The following SCAPER variants were observed in gnomAD, a reference collection of about 807,000 sequenced individuals.
The protein encoded by SCAPER is S phase cyclin A-associated protein in the endoplasmic reticulum.
In SCAPER, 98 loss-of-function variants were observed where a neutral mutation model predicts 182.2. The observed-to-expected ratio is 0.54, with a 90% CI of 0.46 to 0.64. The LOEUF is 0.64. Ranked by LOEUF, SCAPER falls within the 30% of genes least tolerant of loss-of-function variation. SCAPER has a pLI of 0.00. For synonymous variants in SCAPER, 605 were observed against 564.6 expected, an observed-to-expected ratio of 1.07 and a Z score of -1.01; for missense variants, 1,432 against 1,690.0, an observed-to-expected ratio of 0.85 and a Z score of 2.68.
chr15:76,681,954 T>C (rs2057735782), intron 20 of SCAPER, among the ~76,000 whole-genome samples: 1 of 152,080 alleles, frequency 6.6e-6, no homozygotes. Context: ...GGCAAAGTGG[T>C]CTTGCCCATG....
intron 26 of SCAPER, among the ~76,000 whole-genome samples, chr15:76,433,447 G>C (rs1318072046): frequency 1.3e-5 from 2 of 152,160 alleles, no homozygotes; most frequent in African/African-American, 2.4e-5. Context: ...GGCGAAGGTT[G>C]CTGTGAGCCA....
intron 17 of SCAPER, among the ~76,000 whole-genome samples, chr15:76,711,008 A>G (rs1469343219): frequency 1.3e-5 from 2 of 152,136 alleles, no homozygotes; most frequent in African/African-American, 4.8e-5. Context: ...AAACAATGTT[A>G]TAACTAGATA....
At chr15:76,571,948 T>C (rs1353869509) in intron 23 of SCAPER, among the ~76,000 whole-genome samples, 2 of 152,182 alleles carry the variant, frequency 1.3e-5, no homozygotes, top group Admixed American at 1.3e-4. Context: ...ATTTTAGTTA[T>C]AAAAGTAGCA....
chr15:76,525,450 T>G (rs1045185401), intron 23 of SCAPER, among the ~76,000 whole-genome samples: 2 of 152,180 alleles, frequency 1.3e-5, no homozygotes, highest in Admixed American at 6.5e-5. Context: ...TACTACATGA[T>G]GCTGAGGTTG....
At chr15:76,635,601 G>A (rs1339602495) in intron 21 of SCAPER, among the ~76,000 whole-genome samples, 4 of 152,156 alleles carry the variant, frequency 2.6e-5, no homozygotes, top group Admixed American at 6.5e-5. Flanking sequence ...ACAACAAGGC[G>A]AGAAGTGGCA....
rs1444627057 is a variant in SCAPER at position 76,605,276 on chromosome 15, A to C, written c.2711+16488T>G. Among the ~76,000 whole-genome samples the C allele has an allele frequency of 8.5e-5, 13 of 152,274 alleles. No individual in the cohort carries two copies. The South Asian group carries it at 2.3e-3, about 27-fold the overall frequency. On this transcript the variant is annotated intron_variant, in intron 22 of 31. Transcript: ENST00000563290. The stretch of plus-strand genomic sequence containing the variant: ...AAAGGCCTTTTCTGCATCTATTGAG[A>C]TAATCATGTGGTTTTTGTCTTTGGT...
intron 24 of SCAPER, among the ~76,000 whole-genome samples, chr15:76,489,149 C>A (rs2052015392): frequency 1.4e-5 from 2 of 147,912 alleles, no homozygotes; most frequent in Admixed American, 6.7e-5. Context: ...ATTAAAAAAT[C>A]TGATATTACA....
chr15:76,523,095 T>C (rs1221691034), intron 23 of SCAPER, among the ~76,000 whole-genome samples: 1 of 152,078 alleles, frequency 6.6e-6, no homozygotes, highest in Non-Finnish European at 1.5e-5. Flanking sequence ...TCATGAAGTA[T>C]TCATGTCTTT....
intron 21 of SCAPER, among the ~76,000 whole-genome samples, chr15:76,638,956 A>G (rs2053873165): frequency 6.6e-6 from 1 of 152,220 alleles, no homozygotes; most frequent in African/African-American, 2.4e-5. Context: ...CAGGTTAAGA[A>G]GCTTGCTCAA....
At position 76,621,843 on chromosome 15, in the gene SCAPER, A is replaced by G; in HGVS notation, c.2646-14T>C. The G allele has an allele frequency of 6.3e-7, 1 of 1,579,476 alleles. No individual in the cohort carries two copies. Among genetic ancestry groups the G allele is most frequent in the South Asian group, 1.2e-5 (1 of 86,032 alleles). ...TATTCCTTAGCCCTGAAGAGAAAAAAAGTTTTAACACAGTTATTTCACTGC... is the reference window on the plus strand; with the variant it reads ...TATTCCTTAGCCCTGAAGAGAAAAAGAGTTTTAACACAGTTATTTCACTGC... On this transcript the variant is annotated splice_polypyrimidine_tract_variant and intron_variant, in intron 21 of 31. Coordinates refer to ENST00000563290, the MANE Select transcript of SCAPER (RefSeq NM_020843.4).
intron 20 of SCAPER, among the ~76,000 whole-genome samples, chr15:76,669,239 A>AC (rs2056841041): frequency 6.6e-6 from 1 of 151,198 alleles, no homozygotes; most frequent in African/African-American, 2.4e-5. Flanking sequence ...AACAACAACA[A>AC]AAACCCACAG....
At chr15:76,898,342 T>G (rs1315539172) in intron 1 of SCAPER, among the ~76,000 whole-genome samples, 1 of 152,158 alleles carries the variant, frequency 6.6e-6, no homozygotes, top group African/African-American at 2.4e-5. Flanking sequence ...AATCTGGCAG[T>G]TCCTCAAAAA....
intron 5 of SCAPER, among the ~76,000 whole-genome samples, chr15:76,822,603 T>G (rs184662536): frequency 6.6e-6 from 1 of 152,232 alleles, no homozygotes; most frequent in Non-Finnish European, 1.5e-5. Flanking sequence ...CTAGGACATA[T>G]AGATCATCTG....
chr15:76,561,571 T>C (rs936843801), intron 23 of SCAPER, among the ~76,000 whole-genome samples: 2 of 152,152 alleles, frequency 1.3e-5, no homozygotes, highest in African/African-American at 4.8e-5. Context: ...TTTGAGTAAC[T>C]TTTCTTAGCA....
At chr15:76,411,885 C>A (rs1337951371) in intron 26 of SCAPER, among the ~76,000 whole-genome samples, 1 of 152,126 alleles carries the variant, frequency 6.6e-6, no homozygotes. Context: ...ACTGAACACA[C>A]TTCCATGTGC....
At chr15:76,644,986 T>C (rs967170496) in intron 21 of SCAPER, among the ~76,000 whole-genome samples, 1 of 152,054 alleles carries the variant, frequency 6.6e-6, no homozygotes, top group Non-Finnish European at 1.5e-5. Flanking sequence ...GTCAACCAAC[T>C]GTGGATCAAA....
intron 3 of SCAPER, among the ~76,000 whole-genome samples, chr15:76,860,124 T>C (rs2071758901): frequency 6.6e-6 from 1 of 152,226 alleles, no homozygotes; most frequent in African/African-American, 2.4e-5. Context: ...AGATGTTTGA[T>C]TATTATATTT....
In SCAPER at chr15:76,561,082, T is replaced by TA. The variant is rs200276944; in HGVS notation, c.2838+13075dup. 2.4e-4 allele frequency among the ~76,000 whole-genome samples: 36 copies of TA among 152,090 alleles called. No homozygotes were observed. In the East Asian group the frequency reaches 5.0e-3, roughly 21 times the overall value. On this transcript the variant is annotated intron_variant, in intron 23 of 31. Transcript: ENST00000563290. The stretch of plus-strand genomic sequence containing the variant: ...CTTACATAAATGTGGTTAAAAACAG[T>TA]AAGTATTTACTCACTGCGTGAGGCA...
chr15:76,417,143 T>C (rs2045705617), intron 26 of SCAPER, among the ~76,000 whole-genome samples: 1 of 152,108 alleles, frequency 6.6e-6, no homozygotes, highest in African/African-American at 2.4e-5. Flanking sequence ...ATAAAATAAC[T>C]ACATATATAT....
Sources: gnomAD v4.1 joint callset for allele counts (sites outside exome capture counted in the v4.1 genomes callset) on GRCh38, gnomAD v4.1.1 for gene constraint, MANE v1.5 for transcripts, NCBI Gene and HGNC (gene_info 2026-07-23, HGNC 2026-07-21) for gene names.